Variants in FHOD3 observed in about 807,000 individuals in gnomAD.
FHOD3 encodes FH1/FH2 domain-containing protein 3.
In FHOD3, 90 loss-of-function variants were observed where a neutral mutation model predicts 173.0. That is an observed-to-expected ratio of 0.52 (90% confidence interval 0.44 to 0.62). The LOEUF is 0.62. FHOD3 is among the 20% of genes least tolerant of loss of function. The pLI is 0.00. For synonymous variants in FHOD3, 828 were observed against 823.0 expected, an observed-to-expected ratio of 1.01 and a Z score of -0.10; for missense variants, 1,945 against 2,034.7, an observed-to-expected ratio of 0.96 and a Z score of 0.85.
intron 1 of FHOD3, among the ~76,000 whole-genome samples, chr18:36,321,838 T>A (rs1310720456): frequency 6.6e-6 from 1 of 152,218 alleles, no homozygotes. Flanking sequence ...CTTTTCTGTT[T>A]CCTGCATTCA....
At chr18:36,511,303 A>G (rs2055627897) in intron 4 of FHOD3, among the ~76,000 whole-genome samples, 1 of 152,040 alleles carries the variant, frequency 6.6e-6, no homozygotes, top group Non-Finnish European at 1.5e-5. Flanking sequence ...TCAGCTTGGT[A>G]CTATGAAAAA....
intron 24 of FHOD3, among the ~76,000 whole-genome samples, chr18:36,750,416 T>G (rs1355962706): frequency 2.0e-5 from 3 of 152,230 alleles, no homozygotes; most frequent in Non-Finnish European, 2.9e-5. Flanking sequence ...GTGCAAAAAT[T>G]TTCGCCCACT....
chr18:36,384,862 A>G (rs2047954771), intron 3 of FHOD3, among the ~76,000 whole-genome samples: 1 of 152,160 alleles, frequency 6.6e-6, no homozygotes. Context: ...GTGAGTGTGC[A>G]GGTCCAGGCT....
chr18:36,564,268 G>A (rs989055624), intron 5 of FHOD3, among the ~76,000 whole-genome samples: 1 of 152,216 alleles, frequency 6.6e-6, no homozygotes, highest in Non-Finnish European at 1.5e-5. Context: ...TTATAGAATA[G>A]ATCATTAAAA....
intron 3 of FHOD3, among the ~76,000 whole-genome samples, chr18:36,383,101 C>T (rs1438601182): frequency 1.3e-5 from 2 of 152,182 alleles, no homozygotes; most frequent in African/African-American, 4.8e-5. Context: ...CGGCTGTTTC[C>T]ACACTGTTCT....
chr18:36,508,836 A>G (rs1014470581), intron 4 of FHOD3, among the ~76,000 whole-genome samples: 1 of 152,202 alleles, frequency 6.6e-6, no homozygotes, highest in African/African-American at 2.4e-5. Context: ...ACAGAATGAG[A>G]ATATTACCAT....
chr18:36,578,365 C>T (rs2058732093), intron 6 of FHOD3, among the ~76,000 whole-genome samples: 1 of 152,194 alleles, frequency 6.6e-6, no homozygotes, highest in Non-Finnish European at 1.5e-5. Flanking sequence ...GACTTATTCA[C>T]TATCATGAGA....
In FHOD3 at chr18:36,632,226, TAGG is replaced by T. The variant is rs1185678566; in HGVS notation, c.1196+6480_1196+6482del. The stretch of plus-strand genomic sequence containing the variant: ...ATTTTCCCACATCATCACTGAATGT[TAGG>T]AGATTTTCATAATTTTTGTAGTATT... On this transcript the variant is annotated intron_variant, in intron 10 of 28. Transcript: ENST00000590592. 2.6e-5 allele frequency among the ~76,000 whole-genome samples: 4 copies of T among 152,354 alleles called. No individual in the cohort carries two copies. The East Asian group carries it at 7.7e-4, about 29-fold the overall frequency.
rs1234435138 is a variant in FHOD3 at position 36,380,572 on chromosome 18, CTTTT to C, written c.337+7829_337+7832del. 8.0e-3 allele frequency among the ~76,000 whole-genome samples: 954 copies of C among 118,902 alleles called. 61 individuals carry two copies. Among genetic ancestry groups the C allele is most frequent in the African/African-American group, 0.029 (892 of 31,274 alleles). The allele number at this position is 118,902 out of a possible 152,430, so 78.0% of individuals were successfully genotyped here. ...CTTTTGTTTTCTTTTCTTTTCTTTTCTTTTCTTTTCCTTTCCTTTCCTTTCCTTT... is the reference window on the plus strand; with the variant it reads ...CTTTTGTTTTCTTTTCTTTTCTTTTCCTTTTCCTTTCCTTTCCTTTCCTTT... On this transcript the variant is annotated intron_variant, in intron 3 of 28. Coordinates refer to ENST00000590592, the MANE Select transcript of FHOD3 (RefSeq NM_001281740.3).
intron 3 of FHOD3, among the ~76,000 whole-genome samples, chr18:36,450,028 G>C (rs114337986): frequency 1.3e-5 from 2 of 152,052 alleles, no homozygotes; most frequent in East Asian, 3.9e-4. Context: ...TCACTGGAGC[G>C]GTATACACTG....
intron 2 of FHOD3, among the ~76,000 whole-genome samples, chr18:36,364,912 G>T (rs758594946): frequency 2.2e-4 from 33 of 152,240 alleles, no homozygotes; most frequent in African/African-American, 7.2e-4. Flanking sequence ...GCAGAAGGGT[G>T]GTGGGGGCAG....
At chr18:36,377,884 T>C (rs1340480292) in intron 3 of FHOD3, among the ~76,000 whole-genome samples, 1 of 152,202 alleles carries the variant, frequency 6.6e-6, no homozygotes, top group African/African-American at 2.4e-5. Context: ...GGCTTCTGGC[T>C]GGCTCTGTCC....
At chr18:36,413,839 ACC>A (rs2049485606) in intron 3 of FHOD3, among the ~76,000 whole-genome samples, 1 of 152,192 alleles carries the variant, frequency 6.6e-6, no homozygotes, top group Non-Finnish European at 1.5e-5. Flanking sequence ...TGCAACCATC[ACC>A]AAAAAGTGTC....
chr18:36,483,190 A>G (rs1464775149), intron 3 of FHOD3, among the ~76,000 whole-genome samples: 2 of 152,190 alleles, frequency 1.3e-5, no homozygotes, highest in Non-Finnish European at 2.9e-5. Flanking sequence ...GGCCAGTCAC[A>G]AAGATTCTAC....
chr18:36,401,726 A>T (rs1001837628), intron 3 of FHOD3, among the ~76,000 whole-genome samples: 1 of 152,192 alleles, frequency 6.6e-6, no homozygotes, highest in Non-Finnish European at 1.5e-5. Flanking sequence ...AAGTGTTCTG[A>T]GTTATCATCT....
intron 18 of FHOD3, among the ~76,000 whole-genome samples, chr18:36,717,145 G>A (rs528201449): frequency 2.0e-5 from 3 of 152,202 alleles, no homozygotes; most frequent in South Asian, 2.1e-4. Context: ...AGGTGGAAGG[G>A]AGGCTCTGGA....
At chr18:36,477,329 TATTAGGGATTAGCTTGGTATTGAATA>T (rs1367254577) in intron 3 of FHOD3, among the ~76,000 whole-genome samples, 1 of 152,108 alleles carries the variant, frequency 6.6e-6, no homozygotes, top group Non-Finnish European at 1.5e-5. Flanking sequence ...ATGAAACAAA[TATTAGGGATTAGCTTGGTATTGAATA>T]TTAATCACTT....
intron 5 of FHOD3, among the ~76,000 whole-genome samples, chr18:36,530,673 C>G (rs143413548): frequency 9.2e-4 from 140 of 152,340 alleles, no homozygotes; most frequent in East Asian, 1.2e-3. Flanking sequence ...TGCCAGCATG[C>G]ACATTCTTGT....
At chr18:36,550,243 CAT>C (rs371573246) in intron 5 of FHOD3, among the ~76,000 whole-genome samples, 2,104 of 120,556 alleles carry the variant, frequency 0.017, 70 homozygotes, top group African/African-American at 0.061. Context: ...AGTGGTAGAC[CAT>C]ATATATATAT....
Sources: allele counts gnomAD v4.1 joint callset (sites outside exome capture counted in the v4.1 genomes callset), GRCh38; gene constraint gnomAD v4.1.1; transcripts MANE v1.5; gene names NCBI Gene and HGNC (gene_info 2026-07-23, HGNC 2026-07-21).